TENM4: variants seen among roughly 807,000 people sequenced by gnomAD.
TENM4 encodes teneurin transmembrane protein 4.
Under a neutral mutation model 243.3 loss-of-function variants are expected in TENM4, and 82 were observed. The observed-to-expected ratio is 0.34, with a 90% CI of 0.28 to 0.40. The LOEUF (loss-of-function observed/expected upper bound fraction) is 0.40, where lower values mean the gene tolerates loss of function less well. TENM4 is among the 10% of genes least tolerant of loss of function. The probability of loss-of-function intolerance (pLI) is 1.00; values close to 1 mark genes in which losing one functional copy is unlikely to be tolerated. For missense variants in TENM4, 3,138 were observed against 3,673.3 expected, an observed-to-expected ratio of 0.85 and a Z score of 3.77; for synonymous variants, 1,412 against 1,456.3, an observed-to-expected ratio of 0.97 and a Z score of 0.69.
At chr11:79,296,028 C>T (rs1349209538) in intron 2 of TENM4, among the ~76,000 whole-genome samples, 1 of 151,930 alleles carries the variant, frequency 6.6e-6, no homozygotes, top group African/African-American at 2.4e-5. Context: ...TCTACATCAA[C>T]CATGGTCATA....
At chr11:79,372,015 G>A (rs934677215) in intron 1 of TENM4, among the ~76,000 whole-genome samples, 1 of 152,092 alleles carries the variant, frequency 6.6e-6, no homozygotes, top group African/African-American at 2.4e-5. Context: ...AGTAGGAAAT[G>A]AAAGAAATCC....
intron 2 of TENM4, among the ~76,000 whole-genome samples, chr11:79,278,429 G>T (rs1374854432): frequency 6.6e-6 from 1 of 152,174 alleles, no homozygotes; most frequent in African/African-American, 2.4e-5. Flanking sequence ...CTTTGGGGCA[G>T]TCCACCTTGC....
At chr11:79,011,496 C>T (rs994983597) in intron 6 of TENM4, among the ~76,000 whole-genome samples, 1 of 152,130 alleles carries the variant, frequency 6.6e-6, no homozygotes, top group Admixed American at 6.5e-5. Flanking sequence ...TCTGTAAGAC[C>T]CTCTTCCAAG....
chr11:79,194,068 T>A (rs913082648), intron 3 of TENM4, among the ~76,000 whole-genome samples: 1 of 152,078 alleles, frequency 6.6e-6, no homozygotes, highest in African/African-American at 2.4e-5. Flanking sequence ...GCTATTTTCA[T>A]GACAGTGAAT....
chr11:79,336,870 C>A (rs1005449631), intron 1 of TENM4, among the ~76,000 whole-genome samples: 2 of 152,170 alleles, frequency 1.3e-5, no homozygotes, highest in African/African-American at 4.8e-5. Context: ...GTGTTCACAT[C>A]GACATTTACT....
At chr11:78,708,195 G>GT (rs1859303302) in intron 27 of TENM4, among the ~76,000 whole-genome samples, 166 bp downstream of exon 27, 1 of 152,230 alleles carries the variant, frequency 6.6e-6, no homozygotes, top group Non-Finnish European at 1.5e-5. Flanking sequence ...GGACATGGCT[G>GT]TATCTTACTT....
At chr11:79,106,379 G>A (rs2512078) in intron 4 of TENM4, among the ~76,000 whole-genome samples, 100,884 of 152,158 alleles carry the variant, frequency 0.66, 33,734 homozygotes, top group African/African-American at 0.74. Context: ...GCAGTCCCAG[G>A]CTGGGGTCCT....
At chr11:79,275,335 C>G (rs1856037134) in intron 2 of TENM4, among the ~76,000 whole-genome samples, 1 of 152,154 alleles carries the variant, frequency 6.6e-6, no homozygotes, top group African/African-American at 2.4e-5. Context: ...ACGCAAGCCA[C>G]ATGCAAACAT....
intron 1 of TENM4, among the ~76,000 whole-genome samples, chr11:79,349,184 T>C (rs1018285729): frequency 1.1e-4 from 16 of 152,096 alleles, no homozygotes; most frequent in Middle Eastern, 3.2e-3. Context: ...CCACTTGAAA[T>C]TGTCACCCCA....
At chr11:79,037,573 T>G (rs1859419671) in intron 6 of TENM4, among the ~76,000 whole-genome samples, 1 of 152,242 alleles carries the variant, frequency 6.6e-6, no homozygotes, top group Non-Finnish European at 1.5e-5. Context: ...TTTTAAGCTG[T>G]TGGTTACTAG....
intron 1 of TENM4, among the ~76,000 whole-genome samples, chr11:79,385,736 TC>T (rs1858098632): frequency 6.6e-6 from 1 of 151,862 alleles, no homozygotes; most frequent in Non-Finnish European, 1.5e-5. Flanking sequence ...TTTTCCCCTA[TC>T]CTTTGGGAAT....
chr11:78,715,094 G>T (rs901505893), intron 25 of TENM4, among the ~76,000 whole-genome samples: 1 of 152,134 alleles, frequency 6.6e-6, no homozygotes, highest in African/African-American at 2.4e-5. Flanking sequence ...GTTTGCATTC[G>T]CATTATTTAG....
intron 18 of TENM4, among the ~76,000 whole-genome samples, chr11:78,770,223 TA>T (rs1261958106): frequency 1.3e-5 from 2 of 152,244 alleles, no homozygotes; most frequent in Admixed American, 1.3e-4. Context: ...ATTATGGTTG[TA>T]TTTACCCAAG....
chr11:78,935,524 G>A (rs1433024652), intron 6 of TENM4, among the ~76,000 whole-genome samples: 1 of 152,158 alleles, frequency 6.6e-6, no homozygotes, highest in Non-Finnish European at 1.5e-5. Context: ...AAGCTAATCG[G>A]CCAAATGAAT....
intron 6 of TENM4, among the ~76,000 whole-genome samples, chr11:79,012,872 T>A (rs1565166877): frequency 6.6e-6 from 1 of 152,232 alleles, no homozygotes; most frequent in East Asian, 1.9e-4. Context: ...AAGGTGTGAT[T>A]GTTCTCATCC....
At chr11:78,813,003 C>A (rs1253279347) in intron 13 of TENM4, among the ~76,000 whole-genome samples, 5 of 152,130 alleles carry the variant, frequency 3.3e-5, no homozygotes, top group Non-Finnish European at 5.9e-5. Context: ...CTTTTTTACA[C>A]GTGACTCTTA....
chr11:78,935,576 T>G (rs1321158284), intron 6 of TENM4, among the ~76,000 whole-genome samples: 1 of 152,148 alleles, frequency 6.6e-6, no homozygotes, highest in African/African-American at 2.4e-5. Context: ...CAATTTTGGG[T>G]TGGGTTGGAA....
At chr11:79,219,595 T>G (rs575643014) in intron 2 of TENM4, among the ~76,000 whole-genome samples, 1 of 152,146 alleles carries the variant, frequency 6.6e-6, no homozygotes, top group Non-Finnish European at 1.5e-5. Context: ...CTCTGGGGAA[T>G]CTAAGCTGCT....
At chr11:79,231,160 A>T (rs1386199445) in intron 2 of TENM4, among the ~76,000 whole-genome samples, 2 of 152,250 alleles carry the variant, frequency 1.3e-5, no homozygotes, top group Admixed American at 6.5e-5. Flanking sequence ...TATTTGTAGC[A>T]TGGAAGATAG....
Sources: gnomAD v4.1 joint callset for allele counts (sites outside exome capture counted in the v4.1 genomes callset) on GRCh38, gnomAD v4.1.1 for gene constraint, MANE v1.5 for transcripts, NCBI Gene and HGNC (gene_info 2026-07-23, HGNC 2026-07-21) for gene names.